The following KCNK10 variants were observed in gnomAD, a reference collection of about 807,000 sequenced individuals.
The protein encoded by KCNK10 is potassium channel subfamily K member 10.
KCNK10 carries 25 observed loss-of-function variants against 47.7 expected under a neutral mutation model. That is an observed-to-expected ratio of 0.52 (90% CI 0.38 to 0.73). KCNK10 has a LOEUF of 0.73. KCNK10 is among the 30% of genes least tolerant of loss of function. The probability of loss-of-function intolerance (pLI) is 0.00; values close to 1 mark genes in which losing one functional copy is unlikely to be tolerated. For synonymous variants in KCNK10, 303 were observed against 285.6 expected (o/e 1.06, Z -0.61); for missense variants, 563 against 714.5 (o/e 0.79, Z 2.42).
intron 4 of KCNK10, among the ~76,000 whole-genome samples, chr14:88,224,343 T>C (rs1036278150): frequency 3.3e-5 from 5 of 152,314 alleles, no homozygotes; most frequent in East Asian, 1.9e-4. Flanking sequence ...TTATAAGCAA[T>C]AAAGCTGGCA....
chr14:88,278,703 A>G (rs1381113532), intron 1 of KCNK10, among the ~76,000 whole-genome samples: 2 of 152,232 alleles, frequency 1.3e-5, no homozygotes, highest in Non-Finnish European at 2.9e-5. Flanking sequence ...TTAATTCATC[A>G]ATACACTTTG....
intron 2 of KCNK10, among the ~76,000 whole-genome samples, chr14:88,255,077 C>T (rs1886909305): frequency 6.6e-6 from 1 of 152,166 alleles, no homozygotes; most frequent in Non-Finnish European, 1.5e-5. Flanking sequence ...TTCTAACACA[C>T]CCTTTCTTTG....
intron 4 of KCNK10, among the ~76,000 whole-genome samples, chr14:88,209,420 G>C (rs577076619): frequency 6.6e-6 from 1 of 152,320 alleles, no homozygotes; most frequent in East Asian, 1.9e-4. Context: ...AAGTGTGGCC[G>C]ACGACGAAGA....
intron 1 of KCNK10, among the ~76,000 whole-genome samples, chr14:88,272,539 A>G (rs1442808951): frequency 6.6e-6 from 1 of 152,156 alleles, no homozygotes; most frequent in Non-Finnish European, 1.5e-5. Context: ...CATTTGGGAA[A>G]TTACCTCAGG....
intron 3 of KCNK10, among the ~76,000 whole-genome samples, chr14:88,230,576 A>G (rs1886132911): frequency 6.6e-6 from 1 of 152,108 alleles, no homozygotes; most frequent in South Asian, 2.1e-4. Context: ...TTTAGTTGAG[A>G]GTGTGCTTTC....
At chr14:88,301,833 G>T (rs904383948) in intron 1 of KCNK10, among the ~76,000 whole-genome samples, 1 of 152,144 alleles carries the variant, frequency 6.6e-6, no homozygotes, top group Non-Finnish European at 1.5e-5. Context: ...CAGATTTTAT[G>T]CCGAGTGGAA....
At chr14:88,220,416 C>CAAAAAAAAAAAA (rs58562095) in intron 4 of KCNK10, among the ~76,000 whole-genome samples, 1 of 30,160 alleles carries the variant, frequency 3.3e-5, no homozygotes, top group Non-Finnish European at 5.2e-5. Flanking sequence ...GACTCCGTCT[C>CAAAAAAAAAAAA]AAAAAAAAAA....
At chr14:88,191,981 C>T (rs1595071703) in intron 5 of KCNK10, among the ~76,000 whole-genome samples, 1 of 152,028 alleles carries the variant, frequency 6.6e-6, no homozygotes, top group Admixed American at 6.6e-5. Context: ...ATTTGTGTGA[C>T]GATAAGGGAA....
rs143912222 is a variant in KCNK10 at position 88,220,482 on chromosome 14, C to G, written c.681+6893G>C. Among the ~76,000 whole-genome samples the G allele has an allele frequency of 5.1e-3, 561 of 110,202 alleles. 2 individuals are homozygous for G. The highest frequency in any genetic ancestry group is 7.8e-3 in the Non-Finnish European group (424 of 54,032). The allele number at this position is 110,202 out of a possible 152,430, so 72.3% of individuals were successfully genotyped here. A position where few individuals can be genotyped will look rare whatever the true frequency, so the allele number is the denominator to read the frequency against. Reference sequence around the variant, plus strand: ...TACTATAGAGCGAAAGTAATCAAGACAGTATGATATTGGAGAAAGAATAGA... The same window carrying G: ...TACTATAGAGCGAAAGTAATCAAGAGAGTATGATATTGGAGAAAGAATAGA... On this transcript the variant is annotated intron_variant, in intron 4 of 6. Transcript: ENST00000319231.
In KCNK10 at chr14:88,188,129, A is replaced by G; in HGVS notation, c.869-20T>C. 1 of 1,613,804 alleles carries G rather than the reference A, an allele frequency of 6.2e-7. No homozygotes were observed. The highest frequency in any genetic ancestry group is 8.5e-7 in the Non-Finnish European group (1 of 1,179,684). Reference sequence around the variant, plus strand: ...TTCCCCCTGAAAACAACCAAATGTTACTTTAACCATGATCTAGCATATGGT... The same window carrying G: ...TTCCCCCTGAAAACAACCAAATGTTGCTTTAACCATGATCTAGCATATGGT... On this transcript the variant is annotated intron_variant, in intron 5 of 6. Transcript: ENST00000319231.
chr14:88,304,434 G>A lies in KCNK10; in HGVS notation c.52+18313C>T, dbSNP rs117200669. 8.4e-3 allele frequency among the ~76,000 whole-genome samples: 1,286 copies of A among 152,222 alleles called. 6 individuals are homozygous for A. Among genetic ancestry groups the A allele is most frequent in the Non-Finnish European group, 0.012 (833 of 68,030 alleles). On this transcript the variant is annotated intron_variant, in intron 1 of 6. Transcript: ENST00000319231. ...AATATATATTTGCAAATTCTTCTAC[G>A]TGTTAAAATTTATTTGTAACCCCGA...
At chr14:88,215,962 T>C (rs983599307) in intron 4 of KCNK10, among the ~76,000 whole-genome samples, 2 of 152,216 alleles carry the variant, frequency 1.3e-5, no homozygotes, top group Non-Finnish European at 2.9e-5. Flanking sequence ...AAAGGGATAC[T>C]GGCCAGTTAT....
chr14:88,314,490 C>T (rs1460790471), intron 1 of KCNK10, among the ~76,000 whole-genome samples: 1 of 152,206 alleles, frequency 6.6e-6, no homozygotes. Flanking sequence ...TGATACACTG[C>T]TAATAAAATG....
chr14:88,284,298 TG>T (rs1887717626), intron 1 of KCNK10, among the ~76,000 whole-genome samples: 1 of 152,092 alleles, frequency 6.6e-6, no homozygotes, highest in Non-Finnish European at 1.5e-5. Flanking sequence ...TGGGAGACCC[TG>T]GGTACAAACG....
At chr14:88,275,962 C>T (rs1887517724) in intron 1 of KCNK10, among the ~76,000 whole-genome samples, 1 of 152,082 alleles carries the variant, frequency 6.6e-6, no homozygotes, top group African/African-American at 2.4e-5. Context: ...GAGAGAAGCC[C>T]CCAGAAGCTA....
intron 4 of KCNK10, among the ~76,000 whole-genome samples, chr14:88,219,844 T>A (rs1566689893): frequency 6.6e-6 from 1 of 152,182 alleles, no homozygotes; most frequent in African/African-American, 2.4e-5. Flanking sequence ...TGGATGCCGA[T>A]GCCGATGGTC....
intron 4 of KCNK10, among the ~76,000 whole-genome samples, chr14:88,209,897 C>T (rs528614799): frequency 1.3e-5 from 2 of 152,344 alleles, no homozygotes; most frequent in South Asian, 4.1e-4. Flanking sequence ...TACAGGGATA[C>T]AGGCCAATAA....
intron 4 of KCNK10, among the ~76,000 whole-genome samples, chr14:88,199,534 A>C (rs905109151): frequency 1.3e-5 from 2 of 152,176 alleles, no homozygotes; most frequent in South Asian, 4.1e-4. Flanking sequence ...AGGGGAGAGC[A>C]GTGTTAGGGT....
intron 2 of KCNK10, among the ~76,000 whole-genome samples, chr14:88,253,687 G>A (rs1886861903): frequency 6.6e-6 from 1 of 152,066 alleles, no homozygotes; most frequent in Non-Finnish European, 1.5e-5. Flanking sequence ...ATCACCTGAG[G>A]TCAGGAGTTT....
Sources: gnomAD v4.1 joint callset for allele counts (sites outside exome capture counted in the v4.1 genomes callset) on GRCh38, gnomAD v4.1.1 for gene constraint, MANE v1.5 for transcripts, NCBI Gene and HGNC (gene_info 2026-07-23, HGNC 2026-07-21) for gene names.